Variants in IMMP2L observed in about 807,000 individuals in gnomAD.
IMMP2L encodes inner mitochondrial membrane peptidase subunit 2, also known as mitochondrial inner membrane protease subunit 2.
A neutral mutation model predicts 19.3 loss-of-function variants in IMMP2L; 18 were observed. The observed-to-expected ratio is 0.93, with a 90% CI of 0.64 to 1.38. IMMP2L has a LOEUF of 1.38. IMMP2L is among the 40% of genes most tolerant of loss of function. The pLI is 0.00. For synonymous variants in IMMP2L, 76 were observed against 73.0 expected, an observed-to-expected ratio of 1.04 and a Z score of -0.21; for missense variants, 233 against 218.2, an observed-to-expected ratio of 1.07 and a Z score of -0.43.
chr7:110,961,334 A>C (rs1818914677), intron 4 of IMMP2L, among the ~76,000 whole-genome samples: 1 of 151,818 alleles, frequency 6.6e-6, no homozygotes. Flanking sequence ...TATCCTTTAA[A>C]TTATCTCTAG....
chr7:110,737,295 T>A (rs1279724654), intron 5 of IMMP2L, among the ~76,000 whole-genome samples: 1 of 152,162 alleles, frequency 6.6e-6, no homozygotes, highest in Non-Finnish European at 1.5e-5. Context: ...TCAGCCCTGG[T>A]CACTGGCTGC....
intron 3 of IMMP2L, among the ~76,000 whole-genome samples, chr7:111,196,335 G>A (rs1293471306): frequency 2.6e-5 from 4 of 152,022 alleles, no homozygotes; most frequent in African/African-American, 4.8e-5. Context: ...AGTTCAGATC[G>A]GGTCATCATT....
chr7:110,860,862 G>T (rs1238680431), intron 5 of IMMP2L, among the ~76,000 whole-genome samples: 3 of 151,998 alleles, frequency 2.0e-5, no homozygotes, highest in Non-Finnish European at 2.9e-5. Flanking sequence ...TAAAAATAAA[G>T]TCAGGGCAAT....
At chr7:110,807,243 A>T (rs2032609095) in intron 5 of IMMP2L, among the ~76,000 whole-genome samples, 1 of 151,974 alleles carries the variant, frequency 6.6e-6, no homozygotes, top group Non-Finnish European at 1.5e-5. Flanking sequence ...TATGGAGTCT[A>T]CCCCATTTTA....
At chr7:111,100,983 A>T (rs1248705213) in intron 3 of IMMP2L, among the ~76,000 whole-genome samples, 1 of 151,560 alleles carries the variant, frequency 6.6e-6, no homozygotes, top group Admixed American at 6.6e-5. Context: ...ATGAACATTT[A>T]TAAGTTTAAA....
chr7:110,980,227 C>CTT (rs1218434499), intron 3 of IMMP2L, among the ~76,000 whole-genome samples: 1,084 of 91,856 alleles, frequency 0.012, 67 homozygotes, highest in African/African-American at 0.041. Context: ...TGTGCTGCTT[C>CTT]TTTTTTTTTT....
At chr7:111,113,212 C>T (rs992585057) in intron 3 of IMMP2L, among the ~76,000 whole-genome samples, 2 of 152,130 alleles carry the variant, frequency 1.3e-5, no homozygotes, top group African/African-American at 4.8e-5. Context: ...CACAGGCTTC[C>T]TTACCTTCTT....
intron 3 of IMMP2L, among the ~76,000 whole-genome samples, chr7:111,308,022 C>G (rs1195200035): frequency 6.6e-6 from 1 of 151,784 alleles, no homozygotes; most frequent in Admixed American, 6.6e-5. Flanking sequence ...CAAACTAAAA[C>G]AATTATAGTG....
intron 4 of IMMP2L, among the ~76,000 whole-genome samples, chr7:110,932,008 C>A (rs1348903647): frequency 6.6e-6 from 1 of 152,152 alleles, no homozygotes; most frequent in African/African-American, 2.4e-5. Context: ...CTACCTGAAC[C>A]CTCATGCACA....
Position 111,041,526 on chromosome 7 carries a change from T to C in IMMP2L, c.240-77961A>G, listed in dbSNP as rs560850304. Among the ~76,000 whole-genome samples, 231 of 151,700 alleles carry C rather than the reference T, an allele frequency of 1.5e-3. 1 individual carries two copies. The highest frequency in any genetic ancestry group is 2.3e-3 in the Non-Finnish European group (153 of 67,932). ...GGGCACATGTAAAGTTAAACTCTTT[T>C]TGATATTCTGTCTTTCCTTGGCTTA... is the stretch of plus-strand genomic sequence containing the variant. On this transcript the variant is annotated intron_variant, in intron 3 of 5. Coordinates refer to ENST00000405709, the MANE Select transcript of IMMP2L (RefSeq NM_032549.4).
At chr7:111,224,338 T>C (rs1026104861) in intron 3 of IMMP2L, among the ~76,000 whole-genome samples, 3 of 152,176 alleles carry the variant, frequency 2.0e-5, no homozygotes, top group African/African-American at 7.2e-5. Context: ...ATTAACTTAA[T>C]GGCCTCAGCA....
chr7:110,806,225 A>G (rs1319345734), intron 5 of IMMP2L, among the ~76,000 whole-genome samples: 1 of 151,804 alleles, frequency 6.6e-6, no homozygotes, highest in Non-Finnish European at 1.5e-5. Flanking sequence ...GCGGAAGTCC[A>G]AGAGAGTTGG....
At chr7:110,824,788 G>C (rs1319339012) in intron 5 of IMMP2L, among the ~76,000 whole-genome samples, 2 of 152,034 alleles carry the variant, frequency 1.3e-5, no homozygotes, top group African/African-American at 4.8e-5. Context: ...GACAGCCCTT[G>C]TACTTCCAAA....
intron 5 of IMMP2L, among the ~76,000 whole-genome samples, chr7:110,789,596 G>C (rs1800325774): frequency 6.6e-6 from 1 of 151,584 alleles, no homozygotes; most frequent in Non-Finnish European, 1.5e-5. Context: ...GTATAAATCA[G>C]TTATGTCACT....
chr7:110,794,802 C>A (rs1031219843), intron 5 of IMMP2L, among the ~76,000 whole-genome samples: 2 of 151,898 alleles, frequency 1.3e-5, no homozygotes, highest in Non-Finnish European at 2.9e-5. Context: ...AGCTCCAACC[C>A]CTTCATTAAA....
At chr7:111,490,472 A>AT (rs113449520) in intron 2 of IMMP2L, among the ~76,000 whole-genome samples, 3,159 of 151,754 alleles carry the variant, frequency 0.021, 110 homozygotes, top group African/African-American at 0.072. Flanking sequence ...CAGTTTAAAA[A>AT]CTTAGTTGTC....
chr7:111,380,087 T>G (rs1273247601), intron 3 of IMMP2L, among the ~76,000 whole-genome samples: 3 of 151,964 alleles, frequency 2.0e-5, no homozygotes, highest in African/African-American at 7.2e-5. Context: ...AAATCACTGC[T>G]AATTTATTTG....
At chr7:111,076,780 G>A (rs1040657492) in intron 3 of IMMP2L, among the ~76,000 whole-genome samples, 1 of 152,118 alleles carries the variant, frequency 6.6e-6, no homozygotes, top group Admixed American at 6.6e-5. Context: ...TTTACTTAAT[G>A]CACCTACCCA....
chr7:111,235,926 C>T lies in IMMP2L; in HGVS notation c.239+251312G>A, dbSNP rs529653384. Among the ~76,000 whole-genome samples the T allele has an allele frequency of 1.1e-4, 16 of 152,008 alleles. No individual in the cohort carries two copies. The South Asian group carries it at 3.3e-3, about 32-fold the overall frequency. ...GTAGTTTCTATTGTTATGATGTCACCTCATTAATTTCTTTCTTTGTAGACT... is the reference window on the plus strand; with the variant it reads ...GTAGTTTCTATTGTTATGATGTCACTTCATTAATTTCTTTCTTTGTAGACT... On this transcript the variant is annotated intron_variant, in intron 3 of 5. Transcript: ENST00000405709.
Sources: allele counts gnomAD v4.1 joint callset (sites outside exome capture counted in the v4.1 genomes callset), GRCh38; gene constraint gnomAD v4.1.1; transcripts MANE v1.5; gene names NCBI Gene and HGNC (gene_info 2026-07-23, HGNC 2026-07-21).